Variants in ADAMTSL1 observed in about 807,000 individuals in gnomAD.
ADAMTSL1 encodes the protein ADAMTS-like protein 1.
ADAMTSL1 carries 126 observed loss-of-function variants against 201.8 expected under a neutral mutation model. The observed-to-expected ratio is 0.62, with a 90% CI of 0.54 to 0.72. ADAMTSL1 has a LOEUF of 0.72. ADAMTSL1 is among the 30% of genes least tolerant of loss of function. The pLI, the probability that ADAMTSL1 is intolerant of heterozygous loss-of-function variation, is 0.00. For missense variants in ADAMTSL1, 2,679 were observed against 2,277.8 expected (o/e 1.18, Z -3.59); for synonymous variants, 1,121 against 903.4 (o/e 1.24, Z -4.32).
intron 2 of ADAMTSL1, among the ~76,000 whole-genome samples, chr9:18,511,847 GT>G (rs1435043432): frequency 6.6e-6 from 1 of 152,036 alleles, no homozygotes; most frequent in Non-Finnish European, 1.5e-5. Context: ...ACAAATGTTT[GT>G]TTTTTTCTCT....
At chr9:17,922,250 C>T (rs1022488819) in intron 1 of ADAMTSL1, among the ~76,000 whole-genome samples, 3 of 152,072 alleles carry the variant, frequency 2.0e-5, no homozygotes, top group Non-Finnish European at 2.9e-5. Flanking sequence ...GAGTAGCGCA[C>T]GTGCTACATA....
chr9:18,020,183 T>C (rs1477638966), intron 1 of ADAMTSL1, among the ~76,000 whole-genome samples: 1 of 152,006 alleles, frequency 6.6e-6, no homozygotes, highest in East Asian at 1.9e-4. Flanking sequence ...ATTTTTCATG[T>C]GTGAAGGATG....
intron 2 of ADAMTSL1, among the ~76,000 whole-genome samples, chr9:18,319,664 G>A (rs529925909): frequency 1.1e-4 from 17 of 152,118 alleles, no homozygotes; most frequent in Admixed American, 2.6e-4. Context: ...AGAGCACTAC[G>A]TTTGCTGAGA....
Position 18,785,176 on chromosome 9 carries a change from CTT to C in ADAMTSL1, c.3677+7271_3677+7272del, listed in dbSNP as rs1276049794. On this transcript the variant is annotated intron_variant, in intron 19 of 28. Coordinates refer to ENST00000380548, the MANE Select transcript of ADAMTSL1 (RefSeq NM_001040272.6). ...GAGACTCCGTCTAAAAAAAAAAAAA[CTT>C]AATGGAGCTGGGATTTGAATCCAAG... Among the ~76,000 whole-genome samples, 8 of 145,534 alleles carry C rather than the reference CTT, an allele frequency of 5.5e-5. No individual in the cohort carries two copies. In the South Asian group the frequency reaches 1.8e-3, roughly 33 times the overall value.
intron 1 of ADAMTSL1, among the ~76,000 whole-genome samples, chr9:17,913,402 G>A (rs1196588511): frequency 6.6e-6 from 1 of 152,094 alleles, no homozygotes; most frequent in Non-Finnish European, 1.5e-5. Context: ...TCCTTGAAGA[G>A]GTCCTTCACA....
intron 2 of ADAMTSL1, among the ~76,000 whole-genome samples, chr9:18,216,016 G>A (rs1193966315): frequency 6.6e-6 from 1 of 152,154 alleles, no homozygotes; most frequent in Non-Finnish European, 1.5e-5. Flanking sequence ...AATCTGTGAT[G>A]AGTCCTCTTG....
chr9:18,824,796 C>T (rs1398770576), intron 21 of ADAMTSL1, among the ~76,000 whole-genome samples: 3 of 137,502 alleles, frequency 2.2e-5, no homozygotes, highest in Non-Finnish European at 4.5e-5. Context: ...CTCCCAAGTT[C>T]AAGTGATTCT....
At chr9:17,956,999 T>C (rs1226612912) in intron 1 of ADAMTSL1, among the ~76,000 whole-genome samples, 1 of 152,186 alleles carries the variant, frequency 6.6e-6, no homozygotes, top group Non-Finnish European at 1.5e-5. Flanking sequence ...ACATGTATAA[T>C]GAAATGGCAT....
At chr9:17,997,407 G>T (rs1819427669) in intron 1 of ADAMTSL1, among the ~76,000 whole-genome samples, 1 of 152,154 alleles carries the variant, frequency 6.6e-6, no homozygotes, top group African/African-American at 2.4e-5. Context: ...ATATGGGCAA[G>T]GGAATACACA....
chr9:18,404,598 G>A (rs1033470841), intron 2 of ADAMTSL1, among the ~76,000 whole-genome samples: 5 of 152,110 alleles, frequency 3.3e-5, no homozygotes, highest in East Asian at 3.8e-4. Flanking sequence ...TCTCCCAGCC[G>A]GCCTAAGCAT....
intron 23 of ADAMTSL1, among the ~76,000 whole-genome samples, chr9:18,881,898 C>G (rs568307088): frequency 1.3e-5 from 2 of 152,096 alleles, no homozygotes; most frequent in Admixed American, 6.5e-5. Flanking sequence ...CTCATCTGCA[C>G]GAGGAATAGC....
intron 16 of ADAMTSL1, among the ~76,000 whole-genome samples, chr9:18,766,507 T>C (rs1369425717): frequency 6.6e-6 from 1 of 152,212 alleles, no homozygotes; most frequent in East Asian, 1.9e-4. Flanking sequence ...ATCTATATCC[T>C]GCTAGAAACG....
intron 28 of ADAMTSL1, 60 bp from the exon 29 acceptor site, chr9:18,908,382 T>G: frequency 7.1e-7 from 1 of 1,408,940 alleles, no homozygotes; most frequent in East Asian, 2.5e-5. Flanking sequence ...GCTGCGTTCA[T>G]TAGTCTCTGT....
chr9:18,085,472 T>C (rs1241032448), intron 1 of ADAMTSL1, among the ~76,000 whole-genome samples: 2 of 55,454 alleles, frequency 3.6e-5, no homozygotes, highest in African/African-American at 1.9e-4. Context: ...CAAATACACA[T>C]ATGTGTGTGC....
At position 18,653,203 on chromosome 9, in the gene ADAMTSL1, C is replaced by T. The variant is rs1828404887; in HGVS notation, c.835-4436C>T. Among the ~76,000 whole-genome samples the T allele has an allele frequency of 2.6e-5, 4 of 152,186 alleles. No homozygotes were observed. In the South Asian group the frequency reaches 8.3e-4, roughly 32 times the overall value. On this transcript the variant is annotated intron_variant, in intron 7 of 28. Coordinates refer to ENST00000380548, the MANE Select transcript of ADAMTSL1 (RefSeq NM_001040272.6). ...GAACTGGTTCCTCATCTTTCTTTCACTCTTGAGAGTTGCAGATCCCTGCCC... is the reference window on the plus strand; with the variant it reads ...GAACTGGTTCCTCATCTTTCTTTCATTCTTGAGAGTTGCAGATCCCTGCCC...
chr9:18,074,802 G>T (rs574778706), intron 1 of ADAMTSL1, among the ~76,000 whole-genome samples: 2 of 151,936 alleles, frequency 1.3e-5, no homozygotes, highest in African/African-American at 4.8e-5. Flanking sequence ...TGTTGGCCAG[G>T]CTTGTCTCAA....
intron 10 of ADAMTSL1, among the ~76,000 whole-genome samples, chr9:18,676,187 A>AT (rs953982505): frequency 1.3e-4 from 19 of 151,978 alleles, no homozygotes; most frequent in Non-Finnish European, 7.4e-5. Flanking sequence ...GGTTTATATT[A>AT]TGTCTTTCTT....
intron 4 of ADAMTSL1, among the ~76,000 whole-genome samples, chr9:18,617,263 T>C (rs1825749266): frequency 6.6e-6 from 1 of 152,160 alleles, no homozygotes; most frequent in Non-Finnish European, 1.5e-5. Context: ...GTTCTCCAAA[T>C]TATTAGCATG....
intron 23 of ADAMTSL1, among the ~76,000 whole-genome samples, chr9:18,845,234 C>G (rs533923058): frequency 2.4e-4 from 37 of 152,342 alleles, no homozygotes; most frequent in African/African-American, 7.7e-4. Flanking sequence ...ATGCCTCCTT[C>G]AGAGGAACTC....
Sources: allele counts gnomAD v4.1 joint callset (sites outside exome capture counted in the v4.1 genomes callset), GRCh38; gene constraint gnomAD v4.1.1; transcripts MANE v1.5; gene names NCBI Gene and HGNC (gene_info 2026-07-23, HGNC 2026-07-21).